The following ARHGAP28 variants were observed in gnomAD, a reference collection of about 807,000 sequenced individuals.
ARHGAP28 encodes the protein rho GTPase-activating protein 28.
Under a neutral mutation model 90.7 loss-of-function variants are expected in ARHGAP28, and 56 were observed. That is an observed-to-expected ratio of 0.62 (90% CI 0.50 to 0.77). The LOEUF (loss-of-function observed/expected upper bound fraction) is 0.77. ARHGAP28 is among the 30% of genes least tolerant of loss of function. The probability of loss-of-function intolerance (pLI) is 0.00; values close to 1 mark genes in which losing one functional copy is unlikely to be tolerated. For synonymous variants in ARHGAP28, 308 were observed against 323.3 expected (o/e 0.95, Z 0.51); for missense variants, 869 against 900.9 (o/e 0.96, Z 0.45).
chr18:6,864,998 T>C (rs955245625), intron 5 of ARHGAP28, among the ~76,000 whole-genome samples: 7 of 152,222 alleles, frequency 4.6e-5, no homozygotes, highest in Non-Finnish European at 1.0e-4. Flanking sequence ...GCCTAATCTT[T>C]CCAGCAGCAA....
chr18:6,802,303 A>G (rs1178245815), intron 1 of ARHGAP28, among the ~76,000 whole-genome samples: 7 of 143,444 alleles, frequency 4.9e-5, no homozygotes, highest in African/African-American at 1.8e-4. Flanking sequence ...GCAGTAGTGG[A>G]ATTGCTGGAT....
chr18:6,841,173 TCTCTCTCC>T (rs1567966478), intron 3 of ARHGAP28, among the ~76,000 whole-genome samples: 4 of 82,236 alleles, frequency 4.9e-5, no homozygotes, highest in Admixed American at 1.2e-4. Flanking sequence ...CTCTCCTCTC[TCTCTCTCC>T]TCTCTCTCTC....
At chr18:6,875,420 A>T (rs1241984) in intron 9 of ARHGAP28, among the ~76,000 whole-genome samples, 81,242 of 151,980 alleles carry the variant, frequency 0.53, 22,219 homozygotes, top group African/African-American at 0.62. Context: ...ATAGCAGAGA[A>T]GCTGGATCCC....
intron 16 of ARHGAP28, among the ~76,000 whole-genome samples, chr18:6,907,956 C>A (rs2057373142): frequency 6.6e-6 from 1 of 152,072 alleles, no homozygotes; most frequent in Non-Finnish European, 1.5e-5. Flanking sequence ...GAGGCCAGGA[C>A]AATCATTTGA....
chr18:6,773,710 T>C (rs183500591), intron 1 of ARHGAP28, among the ~76,000 whole-genome samples: 7 of 152,318 alleles, frequency 4.6e-5, no homozygotes, highest in Admixed American at 2.0e-4. Context: ...GTTAAAAAAA[T>C]CTTTCGGGAA....
intron 6 of ARHGAP28, among the ~76,000 whole-genome samples, chr18:6,870,017 C>T (rs1282632861): frequency 6.6e-6 from 1 of 152,110 alleles, no homozygotes; most frequent in Non-Finnish European, 1.5e-5. Flanking sequence ...GTATGTCATA[C>T]AAGATCAGGT....
chr18:6,842,028 G>A (rs1402763898), intron 3 of ARHGAP28, among the ~76,000 whole-genome samples: 1 of 152,088 alleles, frequency 6.6e-6, no homozygotes, highest in Admixed American at 6.5e-5. Context: ...TTTTGGCCAT[G>A]GCTGTTTTAA....
At chr18:6,841,552 T>C (rs2056828038) in intron 3 of ARHGAP28, among the ~76,000 whole-genome samples, 1 of 151,834 alleles carries the variant, frequency 6.6e-6, no homozygotes, top group African/African-American at 2.4e-5. Context: ...AATTCAGTAA[T>C]TTAGAAAATA....
At chr18:6,842,751 C>G (rs1427681756) in intron 3 of ARHGAP28, among the ~76,000 whole-genome samples, 1 of 152,032 alleles carries the variant, frequency 6.6e-6, no homozygotes, top group Non-Finnish European at 1.5e-5. Flanking sequence ...GAGTCTGGGC[C>G]TTTTTGAATG....
intron 2 of ARHGAP28, among the ~76,000 whole-genome samples, chr18:6,832,337 G>T (rs974455247): frequency 6.6e-6 from 1 of 151,790 alleles, no homozygotes; most frequent in African/African-American, 2.4e-5. Context: ...TGTCTGTCTT[G>T]GTCAAGGTTC....
intron 7 of ARHGAP28, among the ~76,000 whole-genome samples, chr18:6,872,182 G>A (rs115686182): frequency 8.8e-4 from 134 of 152,296 alleles, no homozygotes; most frequent in African/African-American, 3.1e-3. Context: ...TCTCCTCATC[G>A]AAGCCAGCTC....
chr18:6,838,860 G>A (rs1280329021), intron 3 of ARHGAP28, among the ~76,000 whole-genome samples: 1 of 152,204 alleles, frequency 6.6e-6, no homozygotes, highest in Non-Finnish European at 1.5e-5. Context: ...CTTCCACAAT[G>A]TGAGGCAAGG....
chr18:6,784,429 G>T (rs1335938623), intron 1 of ARHGAP28, among the ~76,000 whole-genome samples: 1 of 152,026 alleles, frequency 6.6e-6, no homozygotes, highest in East Asian at 1.9e-4. Context: ...TCATTTCTGG[G>T]GAAAGCCCAC....
At chr18:6,803,419 C>T (rs1171737017) in intron 1 of ARHGAP28, among the ~76,000 whole-genome samples, 1 of 151,926 alleles carries the variant, frequency 6.6e-6, no homozygotes, top group East Asian at 1.9e-4. Flanking sequence ...TCCTTGTAGT[C>T]GCAGGATGAA....
intron 15 of ARHGAP28, 43 bp from the exon 16 acceptor site, chr18:6,896,459 A>T (rs2057305270): frequency 3.1e-6 from 5 of 1,606,994 alleles, no homozygotes; most frequent in Non-Finnish European, 4.3e-6. Flanking sequence ...GCCGATATTC[A>T]TCCTAGTTTG....
intron 1 of ARHGAP28, among the ~76,000 whole-genome samples, chr18:6,743,359 T>G (rs2055995941): frequency 6.6e-6 from 1 of 152,218 alleles, no homozygotes; most frequent in Non-Finnish European, 1.5e-5. Flanking sequence ...TCTTCATTAC[T>G]GGATCCTTAA....
intron 2 of ARHGAP28, among the ~76,000 whole-genome samples, chr18:6,827,310 C>G (rs1335840519): frequency 2.7e-5 from 4 of 145,748 alleles, no homozygotes; most frequent in African/African-American, 1.0e-4. Context: ...GCTGGCCGGG[C>G]GGGGGGCTGA....
chr18:6,764,428 C>G (rs2056184840), intron 1 of ARHGAP28, among the ~76,000 whole-genome samples: 2 of 152,106 alleles, frequency 1.3e-5, no homozygotes. Flanking sequence ...GAGCATATCC[C>G]CTGAGGAAGA....
chr18:6,902,840 A>G (rs1406047885), intron 16 of ARHGAP28, among the ~76,000 whole-genome samples: 1 of 152,192 alleles, frequency 6.6e-6, no homozygotes, highest in African/African-American at 2.4e-5. Context: ...AATTGAAAGC[A>G]GGGGCTCATG....
Sources: gnomAD v4.1 joint callset for allele counts (sites outside exome capture counted in the v4.1 genomes callset) on GRCh38, gnomAD v4.1.1 for gene constraint, MANE v1.5 for transcripts, NCBI Gene and HGNC (gene_info 2026-07-23, HGNC 2026-07-21) for gene names.